PGCKA1: variants seen among roughly 807,000 people sequenced by gnomAD.
The protein encoded by PGCKA1 is PDCD10 and GCKIII kinases associated 1, also known as PDCD10 and GCKIII kinases-associated protein 1.
At chr4:37,525,395 AG>A in the PGCKA1 span, among the ~76,000 whole-genome samples, 1 of 152,102 alleles carries the variant, frequency 6.6e-6, no homozygotes, top group Non-Finnish European at 1.5e-5. Flanking sequence ...CAGTAGCTAC[AG>A]GGAAGCATGA....
At chr4:37,556,197 C>T in the PGCKA1 span, among the ~76,000 whole-genome samples, 42 of 152,266 alleles carry the variant, frequency 2.8e-4, no homozygotes, top group African/African-American at 9.4e-4. Context: ...TTGCCTAAAA[C>T]GCCCTCCCGA....
At chr4:37,532,544 G>A in the PGCKA1 span, among the ~76,000 whole-genome samples, 3 of 151,296 alleles carry the variant, frequency 2.0e-5, no homozygotes. Flanking sequence ...TAAACTATGT[G>A]GTACACATCC....
the PGCKA1 span, among the ~76,000 whole-genome samples, chr4:37,474,502 T>C: frequency 3.9e-5 from 6 of 152,218 alleles, no homozygotes; most frequent in South Asian, 1.0e-3. Flanking sequence ...AAAAACTCAG[T>C]TGATAAATAT....
the PGCKA1 span, among the ~76,000 whole-genome samples, chr4:37,508,544 T>A: frequency 6.6e-6 from 1 of 151,996 alleles, no homozygotes; most frequent in African/African-American, 2.4e-5. Flanking sequence ...ATTCTTAAAC[T>A]TTTTATTATG....
the PGCKA1 span, among the ~76,000 whole-genome samples, chr4:37,465,798 T>C: frequency 0.11 from 17,240 of 152,160 alleles, 1,304 homozygotes; most frequent in East Asian, 0.34. Flanking sequence ...AAAACAATCA[T>C]ACATCCTGTC....
the PGCKA1 span, among the ~76,000 whole-genome samples, chr4:37,480,158 G>C: frequency 1.3e-5 from 2 of 152,188 alleles, no homozygotes; most frequent in South Asian, 4.1e-4. Context: ...AAGGAAACAC[G>C]AAACACAGCT....
At chr4:37,558,164 C>A in the PGCKA1 span, 1 of 152,226 alleles carries the variant, frequency 6.6e-6, no homozygotes, top group South Asian at 2.1e-4. Flanking sequence ...TCTTCTGCTA[C>A]AGTTTTTATT....
the PGCKA1 span, among the ~76,000 whole-genome samples, chr4:37,458,421 T>C: frequency 6.6e-6 from 1 of 152,118 alleles, no homozygotes; most frequent in Non-Finnish European, 1.5e-5. Context: ...ATAACCACCA[T>C]TTATTGAGCT....
the PGCKA1 span, among the ~76,000 whole-genome samples, chr4:37,471,222 A>G: frequency 6.6e-6 from 1 of 152,220 alleles, no homozygotes; most frequent in African/African-American, 2.4e-5. Flanking sequence ...CTTGGAAGTA[A>G]AATACAGAAA....
chr4:37,567,380 A>T, the PGCKA1 span, among the ~76,000 whole-genome samples: 3 of 152,364 alleles, frequency 2.0e-5, no homozygotes, highest in African/African-American at 7.2e-5. Flanking sequence ...GCCAGACATT[A>T]TAGCAAGCGC....
At chr4:37,540,805 G>C in the PGCKA1 span, among the ~76,000 whole-genome samples, 1 of 152,030 alleles carries the variant, frequency 6.6e-6, no homozygotes, top group Non-Finnish European at 1.5e-5. Flanking sequence ...GTGGGAGTTG[G>C]GGGGAACCCA....
the PGCKA1 span, among the ~76,000 whole-genome samples, chr4:37,549,813 G>A: frequency 6.6e-6 from 1 of 151,656 alleles, no homozygotes; most frequent in Non-Finnish European, 1.5e-5. Flanking sequence ...GAGCAGCTTC[G>A]CCAACCCCTG....
the PGCKA1 span, among the ~76,000 whole-genome samples, chr4:37,587,633 A>G: frequency 1.3e-5 from 2 of 152,162 alleles, no homozygotes; most frequent in African/African-American, 2.4e-5. Flanking sequence ...CTTCATGGAG[A>G]CAGGGAGACT....
the PGCKA1 span, among the ~76,000 whole-genome samples, chr4:37,589,563 T>G: frequency 6.6e-6 from 1 of 152,310 alleles, no homozygotes; most frequent in Non-Finnish European, 1.5e-5. Context: ...TATGAACCAC[T>G]TTGTATTTTA....
At chr4:37,501,848 G>C in the PGCKA1 span, among the ~76,000 whole-genome samples, 1 of 152,190 alleles carries the variant, frequency 6.6e-6, no homozygotes, top group South Asian at 2.1e-4. Flanking sequence ...TGAGTTGTCA[G>C]AGTTCTTGCA....
the PGCKA1 span, among the ~76,000 whole-genome samples, chr4:37,516,469 C>A: frequency 0.46 from 69,765 of 152,016 alleles, 16,247 homozygotes; most frequent in Non-Finnish European, 0.49. Context: ...TTTTATAAAC[C>A]ATATGATGCA....
At chr4:37,525,670 C>T in the PGCKA1 span, among the ~76,000 whole-genome samples, 1 of 152,200 alleles carries the variant, frequency 6.6e-6, no homozygotes, top group Non-Finnish European at 1.5e-5. Flanking sequence ...AATTCAGCAT[C>T]AGGCACCAGA....
chr4:37,522,866 A>C, the PGCKA1 span, among the ~76,000 whole-genome samples: 1 of 151,894 alleles, frequency 6.6e-6, no homozygotes, highest in Non-Finnish European at 1.5e-5. Context: ...TCCAAGACTA[A>C]GTCCTTTCAA....
the PGCKA1 span, among the ~76,000 whole-genome samples, chr4:37,589,816 A>G: frequency 1.3e-5 from 2 of 152,022 alleles, no homozygotes; most frequent in Non-Finnish European, 2.9e-5. Flanking sequence ...ATTTTTAGTA[A>G]AGATGGGGTT....
Sources: allele counts gnomAD v4.1 joint callset (sites outside exome capture counted in the v4.1 genomes callset), GRCh38; gene constraint gnomAD v4.1.1; transcripts MANE v1.5; gene names NCBI Gene and HGNC (gene_info 2026-07-23, HGNC 2026-07-21).